Variants in C16orf78 observed in about 807,000 individuals in gnomAD.
C16orf78 encodes chromosome 16 open reading frame 78.
C16orf78 carries 19 observed loss-of-function variants against 27.3 expected under a neutral mutation model. The observed-to-expected ratio is 0.70, with a 90% CI of 0.49 to 1.02. C16orf78 has a LOEUF of 1.02. Ranked by LOEUF, C16orf78 falls within the 50% of genes least tolerant of loss-of-function variation. The probability of loss-of-function intolerance (pLI) is 0.00; values close to 1 mark genes in which losing one functional copy is unlikely to be tolerated. For missense variants in C16orf78, 339 were observed against 337.0 expected, an observed-to-expected ratio of 1.01 and a Z score of -0.05; for synonymous variants, 130 against 116.1, an observed-to-expected ratio of 1.12 and a Z score of -0.77.
chr16:49,398,094 A>G (rs527302301), intron 4 of C16orf78, among the ~76,000 whole-genome samples: 40 of 152,318 alleles, frequency 2.6e-4, no homozygotes, highest in African/African-American at 8.7e-4. Context: ...CCATATACAT[A>G]TGCATGAGAC....
chr16:49,385,272 T>A (rs1272770636), intron 3 of C16orf78, among the ~76,000 whole-genome samples: 1 of 152,216 alleles, frequency 6.6e-6, no homozygotes, highest in African/African-American at 2.4e-5. Flanking sequence ...TATGTATATA[T>A]ATTGTTTTAT....
chr16:49,380,081 T>C (rs1245040905), intron 3 of C16orf78, among the ~76,000 whole-genome samples: 2 of 152,206 alleles, frequency 1.3e-5, no homozygotes, highest in Non-Finnish European at 2.9e-5. Context: ...GACTCCAAAT[T>C]CTTCAGCTTT....
intron 3 of C16orf78, among the ~76,000 whole-genome samples, chr16:49,390,684 C>T (rs1965401799): frequency 6.6e-6 from 1 of 152,240 alleles, no homozygotes; most frequent in South Asian, 2.1e-4. Context: ...CACTAGAGTA[C>T]TTTCTTTTCC....
At chr16:49,388,788 A>G (rs1341838788) in intron 3 of C16orf78, among the ~76,000 whole-genome samples, 3 of 152,224 alleles carry the variant, frequency 2.0e-5, no homozygotes, top group Non-Finnish European at 4.4e-5. Flanking sequence ...TGCTGGAATT[A>G]TAGGCACCCC....
rs949539771 is a variant in C16orf78, at chr16:49,374,029, C to T, written c.90C>T (p.Asp30=). The change falls in exon 1 of 5, where the codon GAC becomes GAT. Residue 30 remains aspartate (D), a synonymous_variant. Coordinates refer to ENST00000299191, the MANE Select transcript of C16orf78 (RefSeq NM_144602.4). ...CTGCTGAAGATAGGCGCATGTCTGA[C>T]CTCACCTGTGTGCTGGAGTGGCTGG... The part of the protein sequence containing the change: ...WKTAEDRRMS[D]LTCVLEWLER... 6.2e-7 allele frequency: 1 copy of T among 1,614,182 alleles called. No homozygotes were observed. The highest frequency in any genetic ancestry group is 1.7e-5 in the Admixed American group (1 of 60,024).
chr16:49,387,528 A>T (rs1385685510), intron 3 of C16orf78, among the ~76,000 whole-genome samples: 2 of 152,134 alleles, frequency 1.3e-5, no homozygotes, highest in African/African-American at 2.4e-5. Flanking sequence ...TGTCCCTGCC[A>T]TGTTTTGGTA....
At position 49,385,170 on chromosome 16, in the gene C16orf78, G is replaced by GA. The variant is rs532390701; in HGVS notation, c.394+6578dup. On this transcript the variant is annotated intron_variant, in intron 3 of 4. Coordinates refer to ENST00000299191, the MANE Select transcript of C16orf78 (RefSeq NM_144602.4). ...AATATGGTAATGGTGATGTATGAAT[G>GA]ACTTTCAACTCTAGTATAAAAGCTA... 2.4e-3 allele frequency among the ~76,000 whole-genome samples: 359 copies of GA among 152,198 alleles called. 1 individual carries two copies. Among genetic ancestry groups the GA allele is most frequent in the African/African-American group, 8.5e-3 (353 of 41,526 alleles).
intron 2 of C16orf78, 38 bp from the exon 3 acceptor site, chr16:49,378,432 T>C: frequency 6.5e-7 from 1 of 1,545,358 alleles, no homozygotes; most frequent in Middle Eastern, 1.7e-4. Context: ...AGCCAGGTCC[T>C]GTAACTGGGG....
rs1233581043 is a variant in C16orf78 at position 49,399,269 on chromosome 16, GGCCCTCTAAATA to G, written c.792_*5del. Reference sequence around the variant, plus strand: ...AGGTGTTCACCGGAATACCCAGCATGGCCCTCTAAATAGCTCCTCTCGCCACCACCTTCAGGC... The same window carrying G: ...AGGTGTTCACCGGAATACCCAGCATGGCTCCTCTCGCCACCACCTTCAGGC... On this transcript the variant is annotated stop_lost and 3_prime_UTR_variant, in exon 5 of 5. Transcript: ENST00000299191. 6.2e-7 allele frequency: 1 copy of G among 1,614,098 alleles called. No individual in the cohort carries two copies. The highest frequency in any genetic ancestry group is 8.5e-7 in the Non-Finnish European group (1 of 1,179,986).
chr16:49,382,443 A>T (rs1965297798), intron 3 of C16orf78, among the ~76,000 whole-genome samples: 1 of 151,906 alleles, frequency 6.6e-6, no homozygotes, highest in South Asian at 2.1e-4. Context: ...ATAAATAAAT[A>T]AATTTAAAAA....
In C16orf78 at chr16:49,373,972, A is replaced by G; in HGVS notation, c.33A>G (p.Leu11=). Residue 11 remains leucine (L), a synonymous_variant, in exon 1 of 5, where the codon TTA becomes TTG. Coordinates refer to ENST00000299191, the MANE Select transcript of C16orf78 (RefSeq NM_144602.4). MSEQQMDLKD[L]MPTKRKYMWK... ...AGCAACAAATGGACCTGAAGGATTTAATGCCCACAAAGAGGAAATACATGT... is the reference window on the plus strand; with the variant it reads ...AGCAACAAATGGACCTGAAGGATTTGATGCCCACAAAGAGGAAATACATGT... 1 of 1,614,194 alleles carries G rather than the reference A, an allele frequency of 6.2e-7. No homozygotes were observed.
At chr16:49,386,342 T>C (rs1180788602) in intron 3 of C16orf78, among the ~76,000 whole-genome samples, 1 of 152,218 alleles carries the variant, frequency 6.6e-6, no homozygotes, top group Non-Finnish European at 1.5e-5. Context: ...AACAAAACTA[T>C]AGACCAAATG....
chr16:49,376,872 C>G (rs1965225528), intron 1 of C16orf78, among the ~76,000 whole-genome samples: 1 of 152,136 alleles, frequency 6.6e-6, no homozygotes. Flanking sequence ...AGCAGGAATC[C>G]AGGCAGTCTG....
intron 3 of C16orf78, among the ~76,000 whole-genome samples, chr16:49,382,337 C>T (rs897829714): frequency 4.6e-5 from 7 of 151,820 alleles, no homozygotes; most frequent in African/African-American, 1.5e-4. Context: ...GTAGGTGCAG[C>T]GCACCAGCAT....
At position 49,394,155 on chromosome 16, in the gene C16orf78, T is replaced by G. The variant is rs74730540; in HGVS notation, c.395-2268T>G. On this transcript the variant is annotated intron_variant, in intron 3 of 4. Transcript: ENST00000299191. ...ACATTTAAAGAGCAAATAATTCTAA[T>G]GTTACTTCAACTATTACAGACTGTA... 3.4e-3 allele frequency among the ~76,000 whole-genome samples: 515 copies of G among 152,270 alleles called. 3 individuals carry two copies. The highest frequency in any genetic ancestry group is 6.3e-3 in the Non-Finnish European group (429 of 67,984).
At chr16:49,388,593 C>T (rs2151614131) in intron 3 of C16orf78, among the ~76,000 whole-genome samples, 1 of 152,256 alleles carries the variant, frequency 6.6e-6, no homozygotes, top group African/African-American at 2.4e-5. Context: ...CTCACTACAG[C>T]CTCGACCTCC....
intron 1 of C16orf78, among the ~76,000 whole-genome samples, chr16:49,375,849 C>A (rs900279062): frequency 6.6e-6 from 1 of 152,212 alleles, no homozygotes; most frequent in African/African-American, 2.4e-5. Context: ...AATTTAATAT[C>A]ATCACAGGAA....
intron 3 of C16orf78, among the ~76,000 whole-genome samples, chr16:49,387,156 G>C (rs1965360820): frequency 1.3e-5 from 2 of 152,178 alleles, no homozygotes; most frequent in Admixed American, 6.5e-5. Flanking sequence ...GTGTGAGATG[G>C]TATCTCATTG....
chr16:49,391,077 A>T (rs561972555), intron 3 of C16orf78, among the ~76,000 whole-genome samples: 117 of 152,358 alleles, frequency 7.7e-4, no homozygotes, highest in African/African-American at 2.8e-3. Flanking sequence ...GGCTGAAGGC[A>T]GAAGTCTCAG....
Sources: gnomAD v4.1 joint callset for allele counts (sites outside exome capture counted in the v4.1 genomes callset) on GRCh38, gnomAD v4.1.1 for gene constraint, MANE v1.5 for transcripts, NCBI Gene and HGNC (gene_info 2026-07-23, HGNC 2026-07-21) for gene names.